The following EPHB1 variants were observed in gnomAD, a reference collection of about 807,000 sequenced individuals.
EPHB1 encodes the protein EPH receptor B1.
Under a neutral mutation model 94.4 loss-of-function variants are expected in EPHB1, and 30 were observed. That is an observed-to-expected ratio of 0.32 (90% CI 0.24 to 0.43). The LOEUF is 0.43. EPHB1 is among the 20% of genes least tolerant of loss of function. EPHB1 has a pLI of 1.00. For synonymous variants in EPHB1, 522 were observed against 489.1 expected (o/e 1.07, Z -0.89); for missense variants, 1,055 against 1,308.3 (o/e 0.81, Z 2.99).
chr3:134,980,643 A>G (rs1934368000), intron 3 of EPHB1, among the ~76,000 whole-genome samples: 1 of 152,206 alleles, frequency 6.6e-6, no homozygotes, highest in Admixed American at 6.5e-5. Flanking sequence ...CCACATGAGA[A>G]GAGAGGCCTG....
chr3:134,948,288 A>G lies in EPHB1; in HGVS notation c.124-3083A>G, dbSNP rs113994949. Among the ~76,000 whole-genome samples the G allele has an allele frequency of 5.2e-3, 587 of 112,952 alleles. 8 individuals carry two copies. Among genetic ancestry groups the G allele is most frequent in the African/African-American group, 0.024 (556 of 22,958 alleles). 74.1% of individuals were successfully genotyped at this position (112,952 alleles called of 152,430 possible). A position where few individuals can be genotyped will look rare whatever the true frequency, so the allele number is the denominator to read the frequency against. ...TGTGTACTGAGACCCAACTGGAATA[A>G]TGGATCATGAGACTGTTGTGTTTCA... On this transcript the variant is annotated intron_variant, in intron 2 of 15. Transcript: ENST00000398015.
At chr3:134,842,364 T>C (rs1200551339) in intron 1 of EPHB1, among the ~76,000 whole-genome samples, 1 of 152,202 alleles carries the variant, frequency 6.6e-6, no homozygotes, top group Non-Finnish European at 1.5e-5. Context: ...GTTGGGCTCC[T>C]AGGAGACCTC....
At chr3:134,960,997 C>A (rs1933496463) in intron 3 of EPHB1, among the ~76,000 whole-genome samples, 1 of 152,204 alleles carries the variant, frequency 6.6e-6, no homozygotes, top group Admixed American at 6.5e-5. Flanking sequence ...CCACTCTGAT[C>A]ATTTCTTTGC....
In EPHB1 at chr3:135,166,095, C is replaced by T. The variant is rs1941644739; in HGVS notation, c.1694+19C>T. 10 of 1,589,238 alleles carry T rather than the reference C, an allele frequency of 6.3e-6. No individual in the cohort carries two copies. The highest frequency in any genetic ancestry group is 7.8e-6 in the Non-Finnish European group (9 of 1,157,680). On this transcript the variant is annotated intron_variant, in intron 8 of 15. Coordinates refer to ENST00000398015, the MANE Select transcript of EPHB1 (RefSeq NM_004441.5). The stretch of plus-strand genomic sequence containing the variant: ...GTAGCAGGTAGGTCCTCCACTCTCA[C>T]TTGCTCTCCTTGGACCCAGGAAGCC...
At chr3:135,151,774 C>T (rs750697750) in intron 5 of EPHB1, among the ~76,000 whole-genome samples, 1 of 152,162 alleles carries the variant, frequency 6.6e-6, no homozygotes, top group Non-Finnish European at 1.5e-5. Flanking sequence ...ATTATTTCCA[C>T]TTACTAAACC....
At position 134,922,015 on chromosome 3, in the gene EPHB1, C is replaced by T. The variant is rs547894366; in HGVS notation, c.59-3801C>T. 1.1e-4 allele frequency among the ~76,000 whole-genome samples: 17 copies of T among 152,320 alleles called. No homozygotes were observed. In the South Asian group the frequency reaches 1.2e-3, roughly 11 times the overall value. On this transcript the variant is annotated intron_variant, in intron 1 of 15. Transcript: ENST00000398015. ...CTCTCCACCATGCGTGTGCCCTTCC[C>T]GGCGATCTCCCCTTGGGCACTGAGT...
chr3:135,188,494 C>CA (rs577315596), intron 10 of EPHB1, among the ~76,000 whole-genome samples: 23 of 150,182 alleles, frequency 1.5e-4, no homozygotes, highest in Middle Eastern at 3.4e-3. Flanking sequence ...GACTCTGTCT[C>CA]AAAAAAAAAT....
At chr3:135,008,033 G>A (rs895706546) in intron 3 of EPHB1, among the ~76,000 whole-genome samples, 1 of 152,160 alleles carries the variant, frequency 6.6e-6, no homozygotes, top group African/African-American at 2.4e-5. Flanking sequence ...CTGAAATCAG[G>A]ACAACTGAGA....
At chr3:135,194,746 T>A (rs552733721) in intron 11 of EPHB1, among the ~76,000 whole-genome samples, 1 of 152,166 alleles carries the variant, frequency 6.6e-6, no homozygotes, top group Non-Finnish European at 1.5e-5. Context: ...GAACAACTGA[T>A]GTAGATTACT....
At chr3:135,224,931 G>T (rs55679725) in intron 12 of EPHB1, among the ~76,000 whole-genome samples, 1 of 152,038 alleles carries the variant, frequency 6.6e-6, no homozygotes, top group African/African-American at 2.4e-5. Context: ...TTTCCAGGCC[G>T]CTGCTCCCTG....
chr3:135,238,805 C>T (rs1279663455), intron 12 of EPHB1, among the ~76,000 whole-genome samples: 1 of 152,166 alleles, frequency 6.6e-6, no homozygotes, highest in African/African-American at 2.4e-5. Flanking sequence ...TCACTTAACC[C>T]AGGTATTTTG....
At chr3:134,867,974 A>G (rs190551623) in intron 1 of EPHB1, among the ~76,000 whole-genome samples, 1 of 152,320 alleles carries the variant, frequency 6.6e-6, no homozygotes, top group African/African-American at 2.4e-5. Flanking sequence ...CAGTAAGTAA[A>G]GACCTCTAAG....
At chr3:135,011,953 T>C (rs963711761) in intron 3 of EPHB1, among the ~76,000 whole-genome samples, 2 of 141,550 alleles carry the variant, frequency 1.4e-5, no homozygotes, top group Admixed American at 6.8e-5. Flanking sequence ...ATCCTGACAA[T>C]GCAGTCCAGA....
chr3:135,238,731 CTG>C, intron 12 of EPHB1, among the ~76,000 whole-genome samples: 1 of 152,044 alleles, frequency 6.6e-6, no homozygotes, highest in East Asian at 1.9e-4. Context: ...TTCTCTGTCT[CTG>C]TCTCTCTCTC....
intron 1 of EPHB1, among the ~76,000 whole-genome samples, chr3:134,867,975 G>A (rs2037416346): frequency 1.3e-5 from 2 of 152,176 alleles, no homozygotes; most frequent in South Asian, 4.1e-4. Context: ...AGTAAGTAAA[G>A]ACCTCTAAGC....
At chr3:135,248,620 G>T in intron 14 of EPHB1, 111 bp downstream of exon 14, 1 of 1,091,396 alleles carries the variant, frequency 9.2e-7, no homozygotes, top group Non-Finnish European at 1.3e-6. Flanking sequence ...GTATCTAGTT[G>T]CAGTGTGGGC....
At chr3:134,847,816 C>A (rs2036904126) in intron 1 of EPHB1, among the ~76,000 whole-genome samples, 1 of 152,142 alleles carries the variant, frequency 6.6e-6, no homozygotes, top group Non-Finnish European at 1.5e-5. Flanking sequence ...TTTTAAAAAT[C>A]AGACCTAAAC....
intron 3 of EPHB1, among the ~76,000 whole-genome samples, chr3:134,969,825 G>A (rs1933900246): frequency 6.6e-6 from 1 of 152,070 alleles, no homozygotes; most frequent in African/African-American, 2.4e-5. Flanking sequence ...GTCTTAAAGT[G>A]GACTTTTCAG....
chr3:135,258,832 A>T (rs1453071508), intron 15 of EPHB1, among the ~76,000 whole-genome samples, 180 bp from the exon 16 acceptor site: 1 of 152,218 alleles, frequency 6.6e-6, no homozygotes. Flanking sequence ...TTAGAGAAGA[A>T]GGAGAAAGTG....
Sources: gnomAD v4.1 joint callset for allele counts (sites outside exome capture counted in the v4.1 genomes callset) on GRCh38, gnomAD v4.1.1 for gene constraint, MANE v1.5 for transcripts, NCBI Gene and HGNC (gene_info 2026-07-23, HGNC 2026-07-21) for gene names.